The following CUX1 variants were observed in gnomAD, a reference collection of about 807,000 sequenced individuals.
The protein encoded by CUX1 is protein CASP.
CUX1 carries 31 observed loss-of-function variants against 158.8 expected under a neutral mutation model. That is an observed-to-expected ratio of 0.20 (90% confidence interval 0.15 to 0.26). The LOEUF is 0.26. CUX1 is among the 10% of genes least tolerant of loss of function. The pLI, the probability that CUX1 is intolerant of heterozygous loss-of-function variation, is 1.00. For missense variants in CUX1, 1,589 were observed against 2,014.6 expected, an observed-to-expected ratio of 0.79 and a Z score of 4.04; for synonymous variants, 879 against 862.1, an observed-to-expected ratio of 1.02 and a Z score of -0.34.
Position 102,253,977 on chromosome 7 carries a change from C to T in CUX1, c.*4935C>T. On this transcript the variant is annotated 3_prime_UTR_variant, in exon 24 of 24. Transcript: ENST00000292535. ...CCATCTGATGTCACCCAGAACCACA[C>T]CCCACAGAACTGTGAGGCACGTGGG... 1.0e-6 allele frequency: 1 copy of T among 985,478 alleles called. No homozygotes were observed. The highest frequency in any genetic ancestry group is 1.2e-6 in the Non-Finnish European group (1 of 829,938). The allele number at this position is 985,478 out of a possible 1,614,324, so 61.0% of individuals were successfully genotyped here. A position where few individuals can be genotyped will look rare whatever the true frequency, so the allele number is the denominator to read the frequency against.
intron 2 of CUX1, among the ~76,000 whole-genome samples, chr7:101,999,830 G>C (rs1816451479): frequency 6.6e-6 from 1 of 152,216 alleles, no homozygotes; most frequent in Admixed American, 6.5e-5. Flanking sequence ...GGCTCAGGAA[G>C]AAAATGAAAT....
At chr7:102,060,199 A>G (rs140836228) in intron 3 of CUX1, among the ~76,000 whole-genome samples, 37 of 151,726 alleles carry the variant, frequency 2.4e-4, no homozygotes, top group African/African-American at 7.5e-4. Flanking sequence ...AATGGTGTGA[A>G]CCTGGGAGGC....
At chr7:101,845,227 C>T (rs1562920072) in intron 1 of CUX1, among the ~76,000 whole-genome samples, 1 of 151,810 alleles carries the variant, frequency 6.6e-6, no homozygotes, top group Non-Finnish European at 1.5e-5. Flanking sequence ...CTCAAGCAGT[C>T]CTCCTGCCTC....
At chr7:102,063,392 T>TC (rs1377307278) in intron 3 of CUX1, among the ~76,000 whole-genome samples, 3 of 139,330 alleles carry the variant, frequency 2.2e-5, no homozygotes, top group Non-Finnish European at 4.7e-5. Context: ...TCTTTTTTTT[T>TC]TTTTTTTTTT....
intron 4 of CUX1, among the ~76,000 whole-genome samples, chr7:102,081,519 A>G (rs1827409505): frequency 1.4e-5 from 2 of 147,232 alleles, no homozygotes; most frequent in African/African-American, 4.9e-5. Flanking sequence ...TTTGTGAAGA[A>G]GGTGCTTGCT....
intron 3 of CUX1, among the ~76,000 whole-genome samples, chr7:102,069,363 A>G (rs1825887753): frequency 6.6e-6 from 1 of 152,040 alleles, no homozygotes; most frequent in Admixed American, 6.6e-5. Flanking sequence ...TGGGTCCCCT[A>G]TGCCCCATGG....
chr7:102,281,756 A>C, intron 20 of CUX1: 98 of 855,972 alleles, frequency 1.1e-4, no homozygotes, highest in Non-Finnish European at 1.7e-4. Context: ...TTGCCACCCT[A>C]GGGCCCTTTC....
chr7:101,903,917 G>A (rs1199919378), intron 1 of CUX1, among the ~76,000 whole-genome samples: 2 of 152,086 alleles, frequency 1.3e-5, no homozygotes, highest in African/African-American at 4.8e-5. Context: ...CTTTGTACGC[G>A]TAGCTTTTAT....
At chr7:102,266,766 C>T (rs543465551) in intron 14 of CUX1, among the ~76,000 whole-genome samples, 4 of 152,068 alleles carry the variant, frequency 2.6e-5, no homozygotes, top group Admixed American at 6.5e-5. Context: ...AAAACAAGGA[C>T]GTGGCAATGT....
intron 9 of CUX1, among the ~76,000 whole-genome samples, chr7:102,165,408 A>G (rs1790917635): frequency 7.4e-6 from 1 of 136,046 alleles, no homozygotes; most frequent in African/African-American, 2.8e-5. Context: ...GCTGGAGTTC[A>G]GTGGCGTGAT....
chr7:101,870,317 G>A (rs1311572152), intron 1 of CUX1, among the ~76,000 whole-genome samples: 1 of 151,624 alleles, frequency 6.6e-6, no homozygotes, highest in East Asian at 1.9e-4. Context: ...CCACCACACC[G>A]GGCTAATTTT....
At chr7:101,893,297 T>C (rs765352741) in intron 1 of CUX1, among the ~76,000 whole-genome samples, 5 of 151,098 alleles carry the variant, frequency 3.3e-5, no homozygotes, top group Non-Finnish European at 7.4e-5. Flanking sequence ...CATGAGCAAC[T>C]GCGCCTGGCA....
At chr7:101,875,063 A>G (rs1457510104) in intron 1 of CUX1, among the ~76,000 whole-genome samples, 1 of 152,190 alleles carries the variant, frequency 6.6e-6, no homozygotes, top group Non-Finnish European at 1.5e-5. Context: ...AAATCAGGCT[A>G]ACTGGGGCTC....
intron 5 of CUX1, among the ~76,000 whole-genome samples, chr7:102,099,206 G>T (rs547799868): frequency 6.6e-6 from 1 of 152,128 alleles, no homozygotes; most frequent in Non-Finnish European, 1.5e-5. Flanking sequence ...TTGGGGGCAC[G>T]AGGTGACAGG....
At chr7:102,107,475 G>C (rs190571606) in intron 6 of CUX1, among the ~76,000 whole-genome samples, 9 of 152,092 alleles carry the variant, frequency 5.9e-5, no homozygotes, top group Admixed American at 2.6e-4. Flanking sequence ...AGGAAGCAAA[G>C]GTTTGCAGTA....
chr7:102,228,837 C>A (rs568600815), intron 21 of CUX1, among the ~76,000 whole-genome samples: 10 of 152,272 alleles, frequency 6.6e-5, no homozygotes, highest in Non-Finnish European at 1.5e-4. Context: ...AGCCTGGCAT[C>A]CTCGGGGCTC....
chr7:101,872,847 A>G (rs987450146), intron 1 of CUX1, among the ~76,000 whole-genome samples: 2 of 152,014 alleles, frequency 1.3e-5, no homozygotes, highest in Admixed American at 6.6e-5. Flanking sequence ...TCATTTGGGT[A>G]TCCTTTTTAA....
chr7:101,881,180 C>A (rs1169034077), intron 1 of CUX1, among the ~76,000 whole-genome samples: 1 of 152,216 alleles, frequency 6.6e-6, no homozygotes, highest in African/African-American at 2.4e-5. Flanking sequence ...TGCTGGAGAT[C>A]TCATTACTGT....
rs940703331 is a variant in CUX1, at chr7:101,869,173, C to T, written c.31-46942C>T. Reference sequence around the variant, plus strand: ...GGGATGTGGGAATGGCTGGTGGGGGCAGGTAGGGGGAGACCAGGATGAGCC... The same window carrying T: ...GGGATGTGGGAATGGCTGGTGGGGGTAGGTAGGGGGAGACCAGGATGAGCC... On this transcript the variant is annotated intron_variant, in intron 1 of 23. Coordinates refer to ENST00000292535, the MANE Select transcript of CUX1 (RefSeq NM_181552.4). The surrounding 1 kb of genome is among the most constrained non-coding windows in gnomAD (Gnocchi z 4.5). Among the ~76,000 whole-genome samples, 5 of 151,260 alleles carry T rather than the reference C, an allele frequency of 3.3e-5. No individual in the cohort carries two copies. Among genetic ancestry groups the T allele is most frequent in the Non-Finnish European group, 4.4e-5 (3 of 67,770 alleles).
Sources: gnomAD v4.1 joint callset for allele counts (sites outside exome capture counted in the v4.1 genomes callset) on GRCh38, gnomAD v4.1.1 for gene constraint, Gnocchi (gnomAD v3.1) non-coding constraint, MANE v1.5 for transcripts, NCBI Gene and HGNC (gene_info 2026-07-23, HGNC 2026-07-21) for gene names.